Variants in TOP3A observed in about 807,000 individuals in gnomAD.
TOP3A encodes the protein DNA topoisomerase 3-alpha.
A neutral mutation model predicts 111.3 loss-of-function variants in TOP3A; 64 were observed. That is an observed-to-expected ratio of 0.57 (90% CI 0.47 to 0.71). TOP3A has a LOEUF of 0.71. Among genes scored for constraint, TOP3A ranks in the 30% least tolerant of loss-of-function variants. The pLI, the probability that TOP3A is intolerant of heterozygous loss-of-function variation, is 0.00. For synonymous variants in TOP3A, 484 were observed against 485.1 expected (o/e 1.00, Z 0.03); for missense variants, 1,104 against 1,285.0 (o/e 0.86, Z 2.15).
intron 4 of TOP3A, among the ~76,000 whole-genome samples, chr17:18,305,494 G>GCACGCGCA (rs1567750650): frequency 8.5e-6 from 1 of 117,574 alleles, no homozygotes; most frequent in African/African-American, 3.7e-5. Flanking sequence ...ACACGCGCGC[G>GCACGCGCA]CGCGCGCGCG....
intron 16 of TOP3A, among the ~76,000 whole-genome samples, chr17:18,282,002 C>T (rs1389568651): frequency 6.6e-6 from 1 of 152,120 alleles, no homozygotes; most frequent in Non-Finnish European, 1.5e-5. Context: ...CAGTGAGGGA[C>T]GGCACCTGAT....
At position 18,272,985 on chromosome 17, in the gene TOP3A, G is replaced by C. The variant is rs1979090847; in HGVS notation, c.*1817C>G. The C allele has an allele frequency of 6.6e-6, 1 of 152,108 alleles. No individual in the cohort carries two copies. Among genetic ancestry groups the C allele is most frequent in the Non-Finnish European group, 1.5e-5 (1 of 68,050 alleles). 9.4% of individuals were successfully genotyped at this position (152,108 alleles called of 1,614,324 possible). ...TGATTCCATTTAAACAAAATATCCA[G>C]AGTAGGTAAACCCACAGAGACAAAA... On this transcript the variant is annotated 3_prime_UTR_variant, in exon 19 of 19. Transcript: ENST00000321105.
chr17:18,298,603 G>T (rs571686096), intron 9 of TOP3A, among the ~76,000 whole-genome samples: 1 of 151,818 alleles, frequency 6.6e-6, no homozygotes, highest in South Asian at 2.1e-4. Flanking sequence ...AGGTTTTGTG[G>T]AATAGAAAGG....
intron 1 of TOP3A, chr17:18,313,570 GC>G (rs1982045713): frequency 9.1e-6 from 1 of 110,344 alleles, no homozygotes; most frequent in African/African-American, 4.3e-5. Flanking sequence ...CCTCTGGATT[GC>G]TTAAAAAAAA....
chr17:18,288,311 C>T (rs1980253401), intron 13 of TOP3A, among the ~76,000 whole-genome samples: 1 of 151,504 alleles, frequency 6.6e-6, no homozygotes, highest in Non-Finnish European at 1.5e-5. Flanking sequence ...AGCCATAACA[C>T]CTAGCAATTT....
At position 18,271,616 on chromosome 17, in the gene TOP3A, C is replaced by T. The variant is rs768805407; in HGVS notation, c.*3186G>A. ...CCTGGGTCTGTCTGATCTCAGATGCCTGGCCCAGTCCATGGTGCAGCCCAA... is the reference window on the plus strand; with the variant it reads ...CCTGGGTCTGTCTGATCTCAGATGCTTGGCCCAGTCCATGGTGCAGCCCAA... On this transcript the variant is annotated 3_prime_UTR_variant, in exon 19 of 19. Transcript: ENST00000321105. 1.1e-5 allele frequency: 3 copies of T among 278,588 alleles called. No homozygotes were observed. Among genetic ancestry groups the T allele is most frequent in the Admixed American group, 1.1e-4 (2 of 18,766 alleles). The allele number at this position is 278,588 out of a possible 1,614,324, so 17.3% of individuals were successfully genotyped here.
intron 7 of TOP3A, 116 bp downstream of exon 7, chr17:18,302,148 G>T: frequency 1.4e-6 from 2 of 1,403,514 alleles, no homozygotes; most frequent in Non-Finnish European, 1.9e-6. Flanking sequence ...GGCCAGGGAG[G>T]ATGACAGCAA....
At chr17:18,287,516 A>G in intron 13 of TOP3A, among the ~76,000 whole-genome samples, 1 of 151,756 alleles carries the variant, frequency 6.6e-6, no homozygotes, top group Non-Finnish European at 1.5e-5. Context: ...ACAGAGTAAG[A>G]CTCTGTCTCA....
chr17:18,309,243 T>C (rs1981764612), intron 1 of TOP3A, among the ~76,000 whole-genome samples: 1 of 152,186 alleles, frequency 6.6e-6, no homozygotes, highest in South Asian at 2.1e-4. Flanking sequence ...GTTGAGGATG[T>C]GGAGAAATTG....
chr17:18,294,827 G>T, intron 9 of TOP3A, 42 bp from the exon 10 acceptor site: 2 of 1,340,778 alleles, frequency 1.5e-6, no homozygotes, highest in Admixed American at 1.7e-5. Context: ...TACTGCATGG[G>T]TCAGGCAGCA....
At chr17:18,293,500 C>T (rs1276045272) in intron 10 of TOP3A, among the ~76,000 whole-genome samples, 2 of 148,772 alleles carry the variant, frequency 1.3e-5, no homozygotes, top group South Asian at 2.1e-4. Context: ...TTGCTCAGGT[C>T]GGTCTTGAAC....
In TOP3A at chr17:18,285,280, G is replaced by C; in HGVS notation, c.1739C>G (p.Ser580Cys). ...CAGTTCAGCCCGGAGGTCAGGCTTA[G>C]ACATTTCATAGCCCATGGAATCATA... The part of the protein sequence containing the change: ...EGYDSMGYEM[S>C]KPDLRAELEA... The change falls in exon 15 of 19, where the codon TCT (serine) becomes TGT (cysteine). Residue 580 changes from serine (S) to cysteine (C), a missense_variant. Transcript: ENST00000321105. 1 of 1,614,164 alleles carries C rather than the reference G, an allele frequency of 6.2e-7. No individual in the cohort carries two copies. The highest frequency in any genetic ancestry group is 8.5e-7 in the Non-Finnish European group (1 of 1,180,040).
At chr17:18,280,384 C>A in intron 17 of TOP3A, 152 bp downstream of exon 17, 2 of 821,686 alleles carry the variant, frequency 2.4e-6, no homozygotes, top group South Asian at 3.7e-5. Context: ...AGAACTGGAC[C>A]AGCCCTGCTG....
intron 13 of TOP3A, among the ~76,000 whole-genome samples, chr17:18,289,936 G>A (rs1485680715): frequency 1.3e-5 from 2 of 152,192 alleles, no homozygotes; most frequent in Non-Finnish European, 2.9e-5. Flanking sequence ...GCCAGAGAAA[G>A]CCCTTGAGAG....
At chr17:18,298,955 C>T (rs1328710867) in intron 9 of TOP3A, among the ~76,000 whole-genome samples, 3 of 149,366 alleles carry the variant, frequency 2.0e-5, no homozygotes, top group Non-Finnish European at 3.0e-5. Flanking sequence ...AAACCAGAGA[C>T]CTTTGTTCAC....
Position 18,292,996 on chromosome 17 carries a change from GA to G in TOP3A, c.1074-145del, listed in dbSNP as rs372551700. 6.9e-4 allele frequency: 525 copies of G among 757,864 alleles called. 2 individuals are homozygous for G. The African/African-American group carries it at 8.1e-3, about 12-fold the overall frequency. The allele number at this position is 757,864 out of a possible 1,614,324, so 46.9% of individuals were successfully genotyped here. A position where few individuals can be genotyped will look rare whatever the true frequency, so the allele number is the denominator to read the frequency against. On this transcript the variant is annotated intron_variant, in intron 10 of 18. Transcript: ENST00000321105. The stretch of plus-strand genomic sequence containing the variant: ...AAGGCAGCCTACATTACCTGCTTCA[GA>G]AAAGTTCTGAGATGAGATGCACCCC...
intron 9 of TOP3A, among the ~76,000 whole-genome samples, chr17:18,296,987 A>G (rs901978959): frequency 6.6e-6 from 1 of 152,226 alleles, no homozygotes; most frequent in Non-Finnish European, 1.5e-5. Context: ...AAGCTACTCT[A>G]ATTATAATGC....
chr17:18,314,956 G>A lies in TOP3A; in HGVS notation c.-178C>T. 4.3e-6 allele frequency: 1 copy of A among 230,524 alleles called. No homozygotes were observed. Among genetic ancestry groups the A allele is most frequent in the Non-Finnish European group, 8.7e-6 (1 of 115,600 alleles). The allele number at this position is 230,524 out of a possible 1,614,324, so 14.3% of individuals were successfully genotyped here. A position where few individuals can be genotyped will look rare whatever the true frequency, so the allele number is the denominator to read the frequency against. On this transcript the variant is annotated 5_prime_UTR_variant, in exon 1 of 19. Coordinates refer to ENST00000321105, the MANE Select transcript of TOP3A (RefSeq NM_004618.5). ...GAGCCTTTCCCGTGCCGCAGCCGCC[G>A]CCTCAGCACCGAATCCAGTATCTTG...
chr17:18,294,770 C>G lies in TOP3A; in HGVS notation c.1006G>C (p.Ala336Pro), dbSNP rs757027158. The change falls in exon 10 of 19, where the codon GCT (alanine) becomes CCT (proline). Residue 336 changes from alanine (A) to proline (P), a missense_variant. Physicochemically the swap from Ala to Pro is conservative, Grantham distance 27. Transcript: ENST00000321105. ...GCATTTATTCTCAACTTTCGAGAAG[C>G]CAGCTTCTCAAGCTCCTGTGAAATG... The part of the protein sequence containing the change: ...ALDTVELEKL[A>P]SRKLRINAKE... The G allele has an allele frequency of 6.2e-7, 1 of 1,613,840 alleles. No individual in the cohort carries two copies. Among genetic ancestry groups the G allele is most frequent in the East Asian group, 2.2e-5 (1 of 44,876 alleles).
Sources: gnomAD v4.1 joint callset for allele counts (sites outside exome capture counted in the v4.1 genomes callset) on GRCh38, gnomAD v4.1.1 for gene constraint, MANE v1.5 for transcripts, NCBI Gene and HGNC (gene_info 2026-07-23, HGNC 2026-07-21) for gene names.